BLTP3B: variants seen among roughly 807,000 people sequenced by gnomAD.
BLTP3B encodes the protein bridge-like lipid transfer protein family member 3B.
At chr12:100,082,900 C>T in the BLTP3B span, 1,374 of 705,164 alleles carry the variant, frequency 1.9e-3, 17 homozygotes, top group African/African-American at 0.022. Flanking sequence ...CTAATATGGC[C>T]ATTTCATAAA....
chr12:100,084,674 C>A, the BLTP3B span: 1 of 1,604,258 alleles, frequency 6.2e-7, no homozygotes, highest in Non-Finnish European at 8.5e-7. Context: ...AAATGAACAA[C>A]AGGTATTTCA....
the BLTP3B span, among the ~76,000 whole-genome samples, chr12:100,126,193 T>C: frequency 2.0e-5 from 3 of 152,026 alleles, no homozygotes; most frequent in Non-Finnish European, 4.4e-5. Context: ...TTTTGTCAAG[T>C]GAATAAGGCA....
At chr12:100,065,533 G>A in the BLTP3B span, among the ~76,000 whole-genome samples, 1 of 152,106 alleles carries the variant, frequency 6.6e-6, no homozygotes, top group African/African-American at 2.4e-5. Context: ...TCTATAAATG[G>A]CCTCTCTGGA....
the BLTP3B span, among the ~76,000 whole-genome samples, chr12:100,061,672 A>AG: frequency 9.2e-5 from 14 of 151,890 alleles, 1 homozygote; most frequent in East Asian, 2.7e-3. Flanking sequence ...AAAAAAAAAA[A>AG]AAAAGAAAGA....
the BLTP3B span, among the ~76,000 whole-genome samples, chr12:100,109,463 C>T: frequency 6.6e-6 from 1 of 151,998 alleles, no homozygotes; most frequent in Non-Finnish European, 1.5e-5. Flanking sequence ...ATGTCTGTAA[C>T]ACAAAGAAAT....
At chr12:100,131,031 G>C in the BLTP3B span, among the ~76,000 whole-genome samples, 1 of 123,020 alleles carries the variant, frequency 8.1e-6, no homozygotes, top group African/African-American at 3.5e-5. Flanking sequence ...GAGAGAGAGA[G>C]AGAAAGAGTT....
At chr12:100,064,882 A>T in the BLTP3B span, among the ~76,000 whole-genome samples, 5 of 151,876 alleles carry the variant, frequency 3.3e-5, no homozygotes, top group African/African-American at 7.2e-5. Flanking sequence ...AAAAAAAATT[A>T]AAAAATTAAC....
At chr12:100,058,991 T>C in the BLTP3B span, 1 of 1,614,140 alleles carries the variant, frequency 6.2e-7, no homozygotes, top group Non-Finnish European at 8.5e-7. Context: ...TCCGCTTCAA[T>C]CGGCCAGCCA....
chr12:100,042,810 T>C, the BLTP3B span, among the ~76,000 whole-genome samples: 1 of 152,218 alleles, frequency 6.6e-6, no homozygotes, highest in African/African-American at 2.4e-5. Flanking sequence ...CAAGTTTGTT[T>C]GTTTTTTGAG....
chr12:100,094,912 G>C, the BLTP3B span, among the ~76,000 whole-genome samples: 1 of 152,142 alleles, frequency 6.6e-6, no homozygotes, highest in African/African-American at 2.4e-5. Context: ...TCACCAACAA[G>C]CTATATATCT....
chr12:100,051,250 A>G, the BLTP3B span: 1 of 1,601,946 alleles, frequency 6.2e-7, no homozygotes, highest in African/African-American at 1.3e-5. Context: ...AAATTAATAA[A>G]TTAAAGTCAG....
chr12:100,059,798 TAAAATA>T, the BLTP3B span: 8 of 1,531,698 alleles, frequency 5.2e-6, no homozygotes, highest in Non-Finnish European at 7.1e-6. Flanking sequence ...GCACAAATCA[TAAAATA>T]AAAAGAACAA....
At chr12:100,084,175 T>C in the BLTP3B span, among the ~76,000 whole-genome samples, 1 of 148,640 alleles carries the variant, frequency 6.7e-6, no homozygotes, top group Non-Finnish European at 1.5e-5. Flanking sequence ...GGAGACAGAG[T>C]GAGACCCTGT....
At chr12:100,070,122 T>A in the BLTP3B span, 3 of 1,541,272 alleles carry the variant, frequency 1.9e-6, no homozygotes, top group Non-Finnish European at 2.6e-6. Context: ...GCAGAGCAGA[T>A]GTCTTCCTTC....
the BLTP3B span, among the ~76,000 whole-genome samples, chr12:100,045,034 A>G: frequency 5.9e-5 from 9 of 152,296 alleles, no homozygotes; most frequent in East Asian, 1.7e-3. Context: ...TAGGAATCCA[A>G]CTTACAAGGG....
At chr12:100,082,487 T>C in the BLTP3B span, among the ~76,000 whole-genome samples, 1 of 152,246 alleles carries the variant, frequency 6.6e-6, no homozygotes, top group African/African-American at 2.4e-5. Context: ...TAGAATTCTA[T>C]TTCCTTGGTT....
At chr12:100,134,289 G>T in the BLTP3B span, among the ~76,000 whole-genome samples, 1 of 152,086 alleles carries the variant, frequency 6.6e-6, no homozygotes, top group Admixed American at 6.6e-5. Context: ...ACAAATAAAA[G>T]AGAAGACATC....
the BLTP3B span, among the ~76,000 whole-genome samples, chr12:100,082,517 G>A: frequency 6.6e-6 from 1 of 152,194 alleles, no homozygotes; most frequent in African/African-American, 2.4e-5. Flanking sequence ...GGTTTCTATA[G>A]TGTCAGCCTT....
the BLTP3B span, among the ~76,000 whole-genome samples, chr12:100,099,236 T>C: frequency 6.6e-6 from 1 of 151,748 alleles, no homozygotes; most frequent in Non-Finnish European, 1.5e-5. Flanking sequence ...TCAGATGATC[T>C]GCCCACCTTG....
Sources: gnomAD v4.1 joint callset for allele counts (sites outside exome capture counted in the v4.1 genomes callset) on GRCh38, gnomAD v4.1.1 for gene constraint, MANE v1.5 for transcripts, NCBI Gene and HGNC (gene_info 2026-07-23, HGNC 2026-07-21) for gene names.